FUBP1: variants seen among roughly 807,000 people sequenced by gnomAD.
FUBP1 encodes far upstream element-binding protein 1.
A neutral mutation model predicts 94.9 loss-of-function variants in FUBP1; 16 were observed. The observed-to-expected ratio is 0.17, with a 90% CI of 0.11 to 0.26. The LOEUF (loss-of-function observed/expected upper bound fraction) is 0.26. FUBP1 is among the 10% of genes least tolerant of loss of function. FUBP1 has a pLI of 1.00. For synonymous variants in FUBP1, 279 were observed against 254.9 expected, an observed-to-expected ratio of 1.09 and a Z score of -0.90; for missense variants, 583 against 808.6, an observed-to-expected ratio of 0.72 and a Z score of 3.38.
chr1:77,968,610 A>G (rs537321573), intron 2 of FUBP1, among the ~76,000 whole-genome samples: 1 of 151,532 alleles, frequency 6.6e-6, no homozygotes, highest in African/African-American at 2.4e-5. Context: ...GACATATTAA[A>G]GTGTATCTGA....
chr1:77,966,600 A>G (rs1656545672), intron 7 of FUBP1, 94 bp downstream of exon 7: 1 of 725,626 alleles, frequency 1.4e-6, no homozygotes, highest in Non-Finnish European at 2.5e-6. Context: ...GCGAAACCAC[A>G]GTGTAAAATA....
Position 77,964,638 on chromosome 1 carries a change from T to C in FUBP1, c.837+8A>G. On this transcript the variant is annotated splice_region_variant and intron_variant, in intron 10 of 19. Transcript: ENST00000370768. ...TACAACCATTTCTGAATGGGTATTT[T>C]TACTTACATCTATCCCTTCATTTCC... 1 of 1,473,574 alleles carries C rather than the reference T, an allele frequency of 6.8e-7. No homozygotes were observed. The highest frequency in any genetic ancestry group is 1.1e-5 in the South Asian group (1 of 87,912). The allele number at this position is 1,473,574 out of a possible 1,614,324, so 91.3% of individuals were successfully genotyped here. A position where few individuals can be genotyped will look rare whatever the true frequency, so the allele number is the denominator to read the frequency against.
chr1:77,964,203 A>G (rs748113808), intron 11 of FUBP1, 41 bp from the exon 12 acceptor site: 14 of 1,537,546 alleles, frequency 9.1e-6, no homozygotes, highest in Middle Eastern at 1.7e-4. Context: ...CAATAAATGT[A>G]TGTCAAAACT....
At position 77,947,758 on chromosome 1, in the gene FUBP1, A is replaced by ATG; in HGVS notation, c.*1007_*1008insCA. ...ATGATTGGACTTGTGCATTTACAAA[A>ATG]CAAAGCTTATCTATACTGCATAAAG... On this transcript the variant is annotated 3_prime_UTR_variant, in exon 20 of 20. Transcript: ENST00000370768. 1 of 652,202 alleles carries ATG rather than the reference A, an allele frequency of 1.5e-6. No individual in the cohort carries two copies. Among genetic ancestry groups the ATG allele is most frequent in the South Asian group, 2.0e-5 (1 of 51,176 alleles). The allele number at this position is 652,202 out of a possible 1,614,324, so 40.4% of individuals were successfully genotyped here.
chr1:77,948,119 A>G lies in FUBP1; in HGVS notation c.*647T>C. On this transcript the variant is annotated 3_prime_UTR_variant, in exon 20 of 20. Transcript: ENST00000370768. ...TAAAAGGAAATTTCACTGTTAATGCAATGGAAGTATGCCAAAAGATCATTG... is the reference window on the plus strand; with the variant it reads ...TAAAAGGAAATTTCACTGTTAATGCGATGGAAGTATGCCAAAAGATCATTG... 9.6e-7 allele frequency: 1 copy of G among 1,037,830 alleles called. No individual in the cohort carries two copies. The highest frequency in any genetic ancestry group is 1.2e-6 in the Non-Finnish European group (1 of 861,490). 64.3% of individuals were successfully genotyped at this position (1,037,830 alleles called of 1,614,324 possible).
intron 16 of FUBP1, among the ~76,000 whole-genome samples, chr1:77,958,181 G>A (rs570503451): frequency 1.1e-4 from 16 of 152,156 alleles, no homozygotes; most frequent in African/African-American, 3.9e-4. Flanking sequence ...TTTAGGAAGT[G>A]GTATTTCTAC....
chr1:77,966,319 T>C (rs1656487647), intron 7 of FUBP1, among the ~76,000 whole-genome samples: 1 of 152,072 alleles, frequency 6.6e-6, no homozygotes, highest in Admixed American at 6.6e-5. Flanking sequence ...TTAAAGAGCC[T>C]GGGAGAGGAG....
intron 13 of FUBP1, 73 bp downstream of exon 13, chr1:77,963,501 T>C (rs1655905975): frequency 2.4e-6 from 2 of 837,960 alleles, no homozygotes; most frequent in South Asian, 1.8e-5. Context: ...TTGCCACTTG[T>C]TTACGACAGC....
At chr1:77,972,513 G>A (rs1195216667) in intron 1 of FUBP1, among the ~76,000 whole-genome samples, 1 of 151,488 alleles carries the variant, frequency 6.6e-6, no homozygotes, top group East Asian at 1.9e-4. Flanking sequence ...GGGAGGCCGA[G>A]GCAGGGCGGG....
Position 77,968,009 on chromosome 1 carries a change from T to C in FUBP1, c.250+156A>G, listed in dbSNP as rs1409907690. ...ACAATTAATGGGACAGATTGTAAAATAGGAGAAAAAGGTATATATTTACAA... is the reference window on the plus strand; with the variant it reads ...ACAATTAATGGGACAGATTGTAAAACAGGAGAAAAAGGTATATATTTACAA... On this transcript the variant is annotated intron_variant, in intron 3 of 19. Coordinates refer to ENST00000370768, the MANE Select transcript of FUBP1 (RefSeq NM_003902.5). 9.9e-5 allele frequency among the ~76,000 whole-genome samples: 15 copies of C among 152,116 alleles called. 1 individual carries two copies. Among genetic ancestry groups the C allele is most frequent in the Admixed American group, 7.9e-4 (12 of 15,278 alleles).
At chr1:77,976,091 C>A (rs535271837) in intron 1 of FUBP1, among the ~76,000 whole-genome samples, 9 of 152,124 alleles carry the variant, frequency 5.9e-5, no homozygotes, top group African/African-American at 2.2e-4. Flanking sequence ...TCTCTTCCTT[C>A]CAAAAACAAA....
chr1:77,974,066 C>T (rs1285187378), intron 1 of FUBP1, among the ~76,000 whole-genome samples: 1 of 151,942 alleles, frequency 6.6e-6, no homozygotes, highest in African/African-American at 2.4e-5. Flanking sequence ...TTCAAGCAAT[C>T]CTCCCACCTC....
At chr1:77,965,254 A>C (rs200032319) in intron 7 of FUBP1, 23 bp from the exon 8 acceptor site, 9 of 1,553,124 alleles carry the variant, frequency 5.8e-6, no homozygotes, top group Non-Finnish European at 8.0e-6. Flanking sequence ...TAATATTTAA[A>C]TAGTAAGCTG....
In FUBP1 at chr1:77,960,425, G is replaced by C. The variant is rs1345831646; in HGVS notation, c.1415C>G (p.Pro472Arg). 2 of 1,594,122 alleles carry C rather than the reference G, an allele frequency of 1.3e-6. No individual in the cohort carries two copies. The highest frequency in any genetic ancestry group is 8.5e-7 in the Non-Finnish European group (1 of 1,174,998). The change falls in exon 15 of 20, where the codon CCT becomes CGT. Residue 472 changes from proline to arginine, a missense_variant. Pro to Arg is a moderately radical substitution (Grantham distance 103). Coordinates refer to ENST00000370768, the MANE Select transcript of FUBP1 (RefSeq NM_003902.5). ...PHGVPGPHGP[P>R]GPPGPGTPMG... ...TGGAGTTCCAGGCCCTGGAGGCCCA[G>C]GAGGTCCATGGGGGCCTGGGACACC...
chr1:77,947,316 A>G lies in FUBP1; in HGVS notation c.*1450T>C, dbSNP rs1486966294. On this transcript the variant is annotated 3_prime_UTR_variant, in exon 20 of 20. Coordinates refer to ENST00000370768, the MANE Select transcript of FUBP1 (RefSeq NM_003902.5). ...ATGTATTATTCTATGTTAAATTAAG[A>G]GGCAGTTATGGTTTTCCAAGATATC... 2.7e-6 allele frequency: 1 copy of G among 376,316 alleles called. No individual in the cohort carries two copies. Among genetic ancestry groups the G allele is most frequent in the African/African-American group, 2.0e-5 (1 of 48,938 alleles). The allele number at this position is 376,316 out of a possible 1,614,324, so 23.3% of individuals were successfully genotyped here.
chr1:77,964,089 A>G lies in FUBP1; in HGVS notation c.1014T>C (p.Ile338=). ...GAACACTTCGAAGAAGGTCTGTAAT[A>G]ATTTCTGCAGCATGTTGACATCGGT... The part of the protein sequence containing the change: ...PPDRCQHAAE[I]ITDLLRSVQA... The change falls in exon 12 of 20, where the codon ATT becomes ATC. Residue 338 remains isoleucine, a synonymous_variant. Transcript: ENST00000370768. 6.3e-7 allele frequency: 1 copy of G among 1,597,370 alleles called. No individual in the cohort carries two copies. Among genetic ancestry groups the G allele is most frequent in the Non-Finnish European group, 8.6e-7 (1 of 1,164,770 alleles).
chr1:77,955,531 C>G, intron 17 of FUBP1: 1 of 485,270 alleles, frequency 2.1e-6, no homozygotes, highest in Non-Finnish European at 3.6e-6. Context: ...GAAAAGAAAA[C>G]CAACCTGTTT....
chr1:77,974,493 T>A (rs1658239008), intron 1 of FUBP1, among the ~76,000 whole-genome samples: 1 of 152,158 alleles, frequency 6.6e-6, no homozygotes, highest in Admixed American at 6.5e-5. Context: ...GGTCTCAGAC[T>A]CCTGGGCTCA....
chr1:77,970,785 C>T (rs1045345574), intron 1 of FUBP1, among the ~76,000 whole-genome samples: 1 of 152,162 alleles, frequency 6.6e-6, no homozygotes, highest in African/African-American at 2.4e-5. Flanking sequence ...TGGCTCATGC[C>T]TGTAATCTTA....
Sources: allele counts gnomAD v4.1 joint callset (sites outside exome capture counted in the v4.1 genomes callset), GRCh38; gene constraint gnomAD v4.1.1; transcripts MANE v1.5; gene names NCBI Gene and HGNC (gene_info 2026-07-23, HGNC 2026-07-21).